Variants in PIWIL1 observed in about 807,000 individuals in gnomAD.
PIWIL1 encodes the protein piwi-like protein 1.
PIWIL1 carries 73 observed loss-of-function variants against 114.4 expected under a neutral mutation model. The observed-to-expected ratio is 0.64, with a 90% CI of 0.53 to 0.78. PIWIL1 has a LOEUF of 0.78. PIWIL1 is among the 30% of genes least tolerant of loss of function. The pLI is 0.00. For synonymous variants in PIWIL1, 375 were observed against 369.0 expected, an observed-to-expected ratio of 1.02 and a Z score of -0.19; for missense variants, 723 against 1,063.1, an observed-to-expected ratio of 0.68 and a Z score of 4.45.
chr12:130,424,201 C>T, the PIWIL1 span: 131 of 1,231,956 alleles, frequency 1.1e-4, no homozygotes, highest in African/African-American at 1.1e-3. This position sits in a 1 kb window ranked among gnomAD's most constrained non-coding sequence, Gnocchi z 9.8. Flanking sequence ...GCCCTACTGT[C>T]GGGCATGGTT....
At chr12:130,394,014 G>A in the PIWIL1 span, among the ~76,000 whole-genome samples, 44 of 152,264 alleles carry the variant, frequency 2.9e-4, no homozygotes, top group Middle Eastern at 3.4e-3. Context: ...CCTTATTGAC[G>A]TCTTTGGGGT....
chr12:130,400,052 C>G, the PIWIL1 span, among the ~76,000 whole-genome samples: 1 of 152,306 alleles, frequency 6.6e-6, no homozygotes, highest in East Asian at 1.9e-4. Context: ...GCTGAGGAAT[C>G]TGCCTTTTGG....
chr12:130,355,915 C>G (rs533692634), intron 12 of PIWIL1, among the ~76,000 whole-genome samples: 1 of 152,146 alleles, frequency 6.6e-6, no homozygotes, highest in African/African-American at 2.4e-5. Context: ...CTCTATCAAC[C>G]CACATGAACA....
rs763953874 is a variant in PIWIL1 at position 130,357,563 on chromosome 12, T to C, written c.1665+10T>C. 5.7e-6 allele frequency: 9 copies of C among 1,583,100 alleles called. No individual in the cohort carries two copies. Among genetic ancestry groups the C allele is most frequent in the Non-Finnish European group, 6.9e-6 (8 of 1,152,098 alleles). On this transcript the variant is annotated intron_variant, in intron 14 of 20. Transcript: ENST00000245255. ...AGCAGACACCCAGATAGTAAGTAAC[T>C]AATTGACATATAGGCAGTTTTCGGT... is the stretch of plus-strand genomic sequence containing the variant.
At chr12:130,377,704 G>C in the PIWIL1 span, among the ~76,000 whole-genome samples, 3 of 152,212 alleles carry the variant, frequency 2.0e-5, no homozygotes, top group Non-Finnish European at 4.4e-5. Context: ...GCCAGGGTGT[G>C]ATCTGGAGGC....
At chr12:130,399,129 G>C in the PIWIL1 span, 1 of 1,394,892 alleles carries the variant, frequency 7.2e-7, no homozygotes, top group Non-Finnish European at 9.4e-7. Flanking sequence ...AGGCTACATT[G>C]CCTGATTAAG....
chr12:130,369,784 A>C (rs1254665631), intron 19 of PIWIL1, among the ~76,000 whole-genome samples: 1 of 152,032 alleles, frequency 6.6e-6, no homozygotes, highest in East Asian at 1.9e-4. Context: ...TCTGGATATT[A>C]GACTTTTGTA....
At chr12:130,397,232 A>C in the PIWIL1 span, 1 of 391,904 alleles carries the variant, frequency 2.6e-6, no homozygotes, top group Non-Finnish European at 4.5e-6. Context: ...TGGTAGTGCA[A>C]AAGTGCATTT....
chr12:130,358,996 T>G (rs1254590113), intron 14 of PIWIL1, among the ~76,000 whole-genome samples: 1 of 152,190 alleles, frequency 6.6e-6, no homozygotes, highest in African/African-American at 2.4e-5. Context: ...TGACACACTT[T>G]TCTCAAACTT....
chr12:130,406,228 A>G, the PIWIL1 span: 34 of 1,604,060 alleles, frequency 2.1e-5, no homozygotes, highest in Non-Finnish European at 2.8e-5. Context: ...TCTCCTGTGC[A>G]AAATGTAAGT....
In PIWIL1 at chr12:130,355,003, T is replaced by G. The variant is rs778643723; in HGVS notation, c.1287T>G (p.His429Gln). ...TGGGACGACTCATTGATTACATTCA[T>G]AAGTAAGTCATTGATTTCACTGGGG... ...REVGRLIDYI[H>Q]KNDNVQRELR... The change falls in exon 11 of 21, where the codon CAT (histidine) becomes CAG (glutamine). Residue 429 changes from histidine (H) to glutamine (Q), a missense_variant and splice_region_variant. His to Gln is a conservative substitution (Grantham distance 24). This residue lies in a region of PIWIL1 where 298 missense variants were observed against 420.8 expected (regional missense o/e 0.71). Coordinates refer to ENST00000245255, the MANE Select transcript of PIWIL1 (RefSeq NM_004764.5). 1 of 1,576,372 alleles carries G rather than the reference T, an allele frequency of 6.3e-7. No homozygotes were observed. Among genetic ancestry groups the G allele is most frequent in the Non-Finnish European group, 8.7e-7 (1 of 1,145,700 alleles).
the PIWIL1 span, among the ~76,000 whole-genome samples, chr12:130,401,812 A>AAAAG: frequency 6.6e-6 from 1 of 152,140 alleles, no homozygotes; most frequent in East Asian, 1.9e-4. Context: ...CCAGCCTTAG[A>AAAAG]AAAGATTCTT....
At chr12:130,357,723 T>C (rs2136167518) in intron 14 of PIWIL1, among the ~76,000 whole-genome samples, 170 bp downstream of exon 14, 1 of 152,286 alleles carries the variant, frequency 6.6e-6, no homozygotes, top group Non-Finnish European at 1.5e-5. Context: ...CTAGCTTTAG[T>C]TGTGCACCTA....
the PIWIL1 span, among the ~76,000 whole-genome samples, chr12:130,402,934 A>C: frequency 1.3e-5 from 2 of 152,196 alleles, no homozygotes; most frequent in Non-Finnish European, 2.9e-5. Context: ...GGGGTGTTAG[A>C]AGTCTTCAGT....
At chr12:130,421,689 ATATGTGTGTGTGTGTG>A in the PIWIL1 span, among the ~76,000 whole-genome samples, 5 of 106,954 alleles carry the variant, frequency 4.7e-5, no homozygotes, top group Non-Finnish European at 8.6e-5. Flanking sequence ...CCCTGCATTT[ATATGTGTGTGTGTGTG>A]TGTGTGTGTG....
intron 1 of PIWIL1, chr12:130,342,236 C>A: frequency 3.5e-6 from 1 of 288,276 alleles, no homozygotes; most frequent in Non-Finnish European, 6.6e-6. Flanking sequence ...TGTGTATCTC[C>A]AAATGGGAAA....
rs747251629 is a variant in PIWIL1 at position 130,349,324 on chromosome 12, C to T, written c.820C>T (p.Leu274Phe). The change falls in exon 8 of 21, where the codon CTT becomes TTT. Residue 274 changes from leucine (L) to phenylalanine (F), a missense_variant. Leu to Phe is a conservative substitution (Grantham distance 22). Around this residue, in one of 8 missense-constraint regions of PIWIL1, gnomAD observed 190 missense variants for 294.4 expected, o/e 0.65. Transcript: ENST00000245255. ...MLCTDVSHKV[L>F]RSETVLDFMF... ...CTGCACTGACGTTAGCCATAAAGTC[C>T]TTCGAAGTGAGACTGTTTTGGATTT... 9.1e-5 allele frequency: 147 copies of T among 1,613,766 alleles called. No homozygotes were observed. The highest frequency in any genetic ancestry group is 1.2e-4 in the Non-Finnish European group (146 of 1,179,810).
chr12:130,403,577 T>C, the PIWIL1 span, among the ~76,000 whole-genome samples: 1 of 152,340 alleles, frequency 6.6e-6, no homozygotes, highest in Admixed American at 6.5e-5. Flanking sequence ...TTTGTGCAAC[T>C]GCAGTCTAAA....
chr12:130,417,064 TGAC>T, the PIWIL1 span, among the ~76,000 whole-genome samples: 5 of 152,284 alleles, frequency 3.3e-5, no homozygotes, highest in Middle Eastern at 3.4e-3. Flanking sequence ...CCAGTCAGAA[TGAC>T]GATTAAAAAG....
Sources: allele counts gnomAD v4.1 joint callset (sites outside exome capture counted in the v4.1 genomes callset), GRCh38; gene constraint gnomAD v4.1.1; regional missense constraint gnomAD v4.1.1; non-coding constraint Gnocchi (gnomAD v3.1); transcripts MANE v1.5; gene names NCBI Gene and HGNC (gene_info 2026-07-23, HGNC 2026-07-21).